VPS8: variants seen among roughly 807,000 people sequenced by gnomAD.
The protein encoded by VPS8 is vacuolar protein sorting-associated protein 8 homolog.
In VPS8, 129 loss-of-function variants were observed where a neutral mutation model predicts 216.4. The ratio of observed to expected loss-of-function variants is 0.60; its 90% CI spans 0.52 to 0.69. The LOEUF (loss-of-function observed/expected upper bound fraction) is 0.69. Ranked by LOEUF, VPS8 falls within the 30% of genes least tolerant of loss-of-function variation. The pLI, the probability that VPS8 is intolerant of heterozygous loss-of-function variation, is 0.00. For missense variants in VPS8, 1,531 were observed against 1,683.5 expected (o/e 0.91, Z 1.59); for synonymous variants, 571 against 565.4 (o/e 1.01, Z -0.14).
At chr3:184,954,707 T>C (rs1477053907) in intron 36 of VPS8, among the ~76,000 whole-genome samples, 8 of 152,192 alleles carry the variant, frequency 5.3e-5, no homozygotes, top group Non-Finnish European at 1.2e-4. Flanking sequence ...TCCCTGTAGT[T>C]TTCAGCCCTC....
chr3:184,911,085 G>A (rs980301313), intron 25 of VPS8, among the ~76,000 whole-genome samples: 2 of 152,304 alleles, frequency 1.3e-5, no homozygotes, highest in African/African-American at 4.8e-5. Flanking sequence ...GAATTAAAAC[G>A]TCTGAATGGA....
intron 47 of VPS8, among the ~76,000 whole-genome samples, chr3:185,050,141 T>C (rs1235349093): frequency 2.0e-5 from 3 of 151,712 alleles, no homozygotes; most frequent in Non-Finnish European, 4.4e-5. Flanking sequence ...TTTTTTTTTT[T>C]GCAATTGATC....
rs113745946 is a variant in VPS8 at position 184,943,309 on chromosome 3, T to A, written c.3035+3066T>A. 1.2e-3 allele frequency among the ~76,000 whole-genome samples: 181 copies of A among 152,326 alleles called. 1 individual carries two copies. Among genetic ancestry groups the A allele is most frequent in the Non-Finnish European group, 2.1e-3 (142 of 68,012 alleles). ...GAAAAAACTCAACACCTTTTCCTAA[T>A]ACAGTTGACCTCAAGGGTAAGAAGA... On this transcript the variant is annotated intron_variant, in intron 36 of 47. Transcript: ENST00000625842.
At chr3:184,960,337 A>G (rs1746309499) in intron 37 of VPS8, among the ~76,000 whole-genome samples, 1 of 152,206 alleles carries the variant, frequency 6.6e-6, no homozygotes, top group Admixed American at 6.5e-5. Context: ...AGAATTTGCA[A>G]GGAGATTTCA....
At chr3:185,010,870 G>A (rs997091010) in intron 45 of VPS8, among the ~76,000 whole-genome samples, 2 of 151,978 alleles carry the variant, frequency 1.3e-5, no homozygotes, top group African/African-American at 4.8e-5. Context: ...CAAGCGGGTG[G>A]CACATGCCTG....
At chr3:184,986,660 CT>C (rs1751135163) in intron 42 of VPS8, among the ~76,000 whole-genome samples, 1 of 152,146 alleles carries the variant, frequency 6.6e-6, no homozygotes, top group Non-Finnish European at 1.5e-5. Flanking sequence ...TCAGGTTTTC[CT>C]CAAGAAAAAG....
intron 23 of VPS8, among the ~76,000 whole-genome samples, chr3:184,895,586 CTG>C (rs1733233575): frequency 4.1e-5 from 4 of 98,548 alleles, no homozygotes; most frequent in Non-Finnish European, 8.3e-5. Flanking sequence ...TTTCCTCCTC[CTG>C]CTCCTCCTCC....
chr3:184,834,570 T>C lies in VPS8; in HGVS notation c.354-79T>C, dbSNP rs1034414751. ...TTGTCTTCTGCTTTTTGTGCGTGTG[T>C]GTTTTCTTTCAAAGCTTTGGGACCT... On this transcript the variant is annotated intron_variant, in intron 4 of 47. Transcript: ENST00000625842. 6 of 1,098,204 alleles carry C rather than the reference T, an allele frequency of 5.5e-6. No individual in the cohort carries two copies. The East Asian group carries it at 1.6e-4, about 29-fold the overall frequency. The allele number at this position is 1,098,204 out of a possible 1,614,324, so 68.0% of individuals were successfully genotyped here. A position where few individuals can be genotyped will look rare whatever the true frequency, so the allele number is the denominator to read the frequency against.
intron 35 of VPS8, among the ~76,000 whole-genome samples, chr3:184,938,854 C>T (rs1330350433): frequency 1.3e-5 from 2 of 151,042 alleles, no homozygotes; most frequent in Non-Finnish European, 3.0e-5. Flanking sequence ...ATGGTGAAAC[C>T]CCATCTCTAC....
chr3:184,849,104 G>A lies in VPS8; in HGVS notation c.575G>A (p.Ser192Asn). Residue 192 changes from serine (S) to asparagine (N), a missense_variant, in exon 9 of 48, where the codon AGC becomes AAC. Coordinates refer to ENST00000625842, the MANE Select transcript of VPS8 (RefSeq NM_001009921.3). ...CAAGCTTTGCGACTCTGTCTGGGTAGCACTAGTGTTGGAGGTCAGTATGGC... is the reference window on the plus strand; with the variant it reads ...CAAGCTTTGCGACTCTGTCTGGGTAACACTAGTGTTGGAGGTCAGTATGGC... ...QNQALRLCLGSTSVGGQYGAI... is the reference protein window; with the variant it reads ...QNQALRLCLGNTSVGGQYGAI... 1 of 1,613,468 alleles carries A rather than the reference G, an allele frequency of 6.2e-7. No individual in the cohort carries two copies. Among genetic ancestry groups the A allele is most frequent in the Non-Finnish European group, 8.5e-7 (1 of 1,179,538 alleles).
intron 21 of VPS8, among the ~76,000 whole-genome samples, chr3:184,877,012 G>A (rs1043438501): frequency 2.0e-5 from 3 of 152,114 alleles, no homozygotes; most frequent in Non-Finnish European, 2.9e-5. Flanking sequence ...CATGGTCTAC[G>A]CTTGCCTAAC....
At chr3:185,023,695 C>T (rs1351990832) in intron 45 of VPS8, among the ~76,000 whole-genome samples, 2 of 152,026 alleles carry the variant, frequency 1.3e-5, no homozygotes, top group African/African-American at 4.8e-5. Context: ...AAATGTAGTG[C>T]TATCATGGCA....
In VPS8 at chr3:184,934,352, G is replaced by C. The variant is rs573151342; in HGVS notation, c.2899-1894G>C. 8.6e-5 allele frequency among the ~76,000 whole-genome samples: 13 copies of C among 151,962 alleles called. 1 individual carries two copies. The East Asian group carries it at 2.5e-3, about 29-fold the overall frequency. ...CGCACAGCTTATTTTTATATTTTTA[G>C]TAGAGACAGGGTTTTGCCATGTTGG... On this transcript the variant is annotated intron_variant, in intron 34 of 47. Transcript: ENST00000625842.
intron 29 of VPS8, among the ~76,000 whole-genome samples, chr3:184,923,438 T>C (rs114613279): frequency 6.3e-4 from 96 of 152,326 alleles, no homozygotes; most frequent in Non-Finnish European, 1.2e-3. Flanking sequence ...CTGCCTTACT[T>C]AAGAGCCCTT....
chr3:185,001,717 T>C (rs1753451225), intron 45 of VPS8, among the ~76,000 whole-genome samples: 2 of 152,148 alleles, frequency 1.3e-5, no homozygotes, highest in South Asian at 4.1e-4. Context: ...GTTCCAAACC[T>C]CTAACCATGG....
chr3:184,923,519 A>C (rs772412264), intron 29 of VPS8, among the ~76,000 whole-genome samples: 2 of 152,006 alleles, frequency 1.3e-5, no homozygotes, highest in Non-Finnish European at 2.9e-5. Flanking sequence ...TTCTTCTGTT[A>C]ATTTTATCCC....
chr3:184,992,946 A>G (rs1422762280), intron 42 of VPS8, among the ~76,000 whole-genome samples: 2 of 152,084 alleles, frequency 1.3e-5, no homozygotes, highest in East Asian at 3.9e-4. Context: ...AGAGATTCCA[A>G]TTGAGATTTG....
chr3:185,045,765 TAAA>T lies in VPS8; in HGVS notation c.4057-2696_4057-2694del, dbSNP rs71632043. ...CTGGGTGACAGAGCAAGACTCCGTCTAAAAAAAAAAAAAAAAAAAAGAGGTCTG... is the reference window on the plus strand; with the variant it reads ...CTGGGTGACAGAGCAAGACTCCGTCTAAAAAAAAAAAAAAAAAGAGGTCTG... On this transcript the variant is annotated intron_variant, in intron 46 of 47. Coordinates refer to ENST00000625842, the MANE Select transcript of VPS8 (RefSeq NM_001009921.3). Among the ~76,000 whole-genome samples, 296 of 129,046 alleles carry T rather than the reference TAAA, an allele frequency of 2.3e-3. 1 individual carries two copies. Among genetic ancestry groups the T allele is most frequent in the African/African-American group, 3.8e-3 (135 of 35,148 alleles). The allele number at this position is 129,046 out of a possible 152,430, so 84.7% of individuals were successfully genotyped here. A position where few individuals can be genotyped will look rare whatever the true frequency, so the allele number is the denominator to read the frequency against.
chr3:185,015,947 G>T (rs755341394), intron 45 of VPS8, among the ~76,000 whole-genome samples: 5 of 152,186 alleles, frequency 3.3e-5, no homozygotes, highest in Non-Finnish European at 7.3e-5. Flanking sequence ...ATGCTGAGTT[G>T]GAAAAATTAG....
Sources: gnomAD v4.1 joint callset for allele counts (sites outside exome capture counted in the v4.1 genomes callset) on GRCh38, gnomAD v4.1.1 for gene constraint, MANE v1.5 for transcripts, NCBI Gene and HGNC (gene_info 2026-07-23, HGNC 2026-07-21) for gene names.